Variants in NBPF26 observed in about 807,000 individuals in gnomAD.
NBPF26 encodes the protein NBPF family member NBPF26.
In NBPF26, 79 loss-of-function variants were observed where a neutral mutation model predicts 119.6. The ratio of observed to expected loss-of-function variants is 0.66; its 90% CI spans 0.55 to 0.80. The LOEUF (loss-of-function observed/expected upper bound fraction) is 0.80. Ranked by LOEUF, NBPF26 falls within the 30% of genes least tolerant of loss-of-function variation. The pLI is 0.00. For synonymous variants in NBPF26, 299 were observed against 457.7 expected (o/e 0.65, Z 4.43); for missense variants, 800 against 1,198.2 (o/e 0.67, Z 4.91).
At chr1:120,763,682 C>T in exon 2 of NBPF26, 3 of 1,409,724 alleles carry the variant, frequency 2.1e-6, no homozygotes, top group South Asian at 1.2e-5. Context: ...ATGTGTGTTA[C>T]CTACCACAGT....
intron 14 of NBPF26, among the ~76,000 whole-genome samples, chr1:120,817,921 G>C (rs1387181090): frequency 1.7e-5 from 2 of 115,708 alleles, no homozygotes; most frequent in East Asian, 4.3e-4. Context: ...CACATAGAGG[G>C]AGATTTTGGC....
chr1:120,770,769 C>G (rs1478207485), intron 2 of NBPF26, among the ~76,000 whole-genome samples: 1 of 116,900 alleles, frequency 8.6e-6, no homozygotes, highest in Non-Finnish European at 1.6e-5. Context: ...TAAAATGGGA[C>G]AGAATTACCT....
Position 120,810,420 on chromosome 1 carries a change from A to G in NBPF26, c.1426A>G (p.Ser476Gly), listed in dbSNP as rs1553270825. The G allele has an allele frequency of 5.0e-5, 80 of 1,588,392 alleles. No homozygotes were observed. The South Asian group carries it at 8.7e-4, about 17-fold the overall frequency. ...GGAATGTGCCATCACTTGTTCAAATAGCCACGGCCCTTGTGACTCCAACCA... is the reference window on the plus strand; with the variant it reads ...GGAATGTGCCATCACTTGTTCAAATGGCCACGGCCCTTGTGACTCCAACCA... The change falls in exon 9 of 30, where the codon AGC becomes GGC. Residue 476 changes from serine (S) to glycine (G), a missense_variant. Ser to Gly is a moderately conservative substitution (Grantham distance 56). Coordinates refer to ENST00000620612, the Ensembl canonical transcript of NBPF26.
At position 120,790,265 on chromosome 1, in the gene NBPF26, C is replaced by T. The variant is rs1221438869; in HGVS notation, c.416-2896C>T. The stretch of plus-strand genomic sequence containing the variant: ...GCCTGACCTCATGATCCACCCGCCT[C>T]GGCCTCCCAAAGTGCTGGGATTACA... On this transcript the variant is annotated intron_variant, in intron 3 of 29. Transcript: ENST00000620612. Among the ~76,000 whole-genome samples, 11 of 109,120 alleles carry T rather than the reference C, an allele frequency of 1.0e-4. 1 individual carries two copies. In the East Asian group the frequency reaches 1.3e-3, roughly 13 times the overall value. 71.6% of individuals were successfully genotyped at this position (109,120 alleles called of 152,430 possible). A position where few individuals can be genotyped will look rare whatever the true frequency, so the allele number is the denominator to read the frequency against.
intron 6 of NBPF26, among the ~76,000 whole-genome samples, chr1:120,808,079 A>T: frequency 8.4e-6 from 1 of 119,432 alleles, no homozygotes; most frequent in South Asian, 2.6e-4. Flanking sequence ...GCGGCTTCTC[A>T]TTCTTTCACT....
Position 120,768,254 on chromosome 1 carries a change from G to A in NBPF26, c.155+4545G>A, listed in dbSNP as rs1270373424. Among the ~76,000 whole-genome samples, 10 of 112,526 alleles carry A rather than the reference G, an allele frequency of 8.9e-5. 2 individuals are homozygous for A. Among genetic ancestry groups the A allele is most frequent in the African/African-American group, 1.6e-4 (3 of 18,460 alleles). The allele number at this position is 112,526 out of a possible 152,430, so 73.8% of individuals were successfully genotyped here. ...AGGGGTTCAGTGGAAAGTGTGAGGG[G>A]CCTACCAAGCCCTGAGGTGTTCATT... On this transcript the variant is annotated intron_variant, in intron 2 of 29. Coordinates refer to ENST00000620612, the Ensembl canonical transcript of NBPF26.
At chr1:120,840,730 C>G, downstream of NBPF26, 1 of 1,189,212 alleles carries the variant, frequency 8.4e-7, no homozygotes, top group Non-Finnish European at 1.1e-6. Flanking sequence ...TTCCTATTCT[C>G]AAACCATGCC....
In NBPF26 at chr1:120,816,871, A is replaced by G. The variant is rs1192042785; in HGVS notation, c.2371+44A>G. On this transcript the variant is annotated intron_variant, in intron 14 of 29. Transcript: ENST00000620612. ...GTGTCTCATACCTCTTTCTTGGCTG[A>G]GGAAGATAAACTCTGAAGACAGGCT... is the stretch of plus-strand genomic sequence containing the variant. The G allele has an allele frequency of 6.3e-5, 92 of 1,451,586 alleles. 17 individuals are homozygous for G. In the East Asian group the frequency reaches 8.9e-4, roughly 14 times the overall value. 89.9% of individuals were successfully genotyped at this position (1,451,586 alleles called of 1,614,324 possible). A position where few individuals can be genotyped will look rare whatever the true frequency, so the allele number is the denominator to read the frequency against.
intron 1 of NBPF26, among the ~76,000 whole-genome samples, chr1:120,752,518 G>GT (rs1651027639): frequency 5.2e-4 from 11 of 21,264 alleles, no homozygotes; most frequent in African/African-American, 3.5e-3. Flanking sequence ...TGAAGTTCAG[G>GT]AATATATATA....
chr1:120,838,427 A>C (rs1265533123), intron 27 of NBPF26, among the ~76,000 whole-genome samples: 68 of 22,642 alleles, frequency 3.0e-3, no homozygotes, highest in African/African-American at 3.8e-3. Context: ...TCCTGAGGGC[A>C]CTAACTCAGA....
chr1:120,807,768 C>T, intron 6 of NBPF26, 59 bp downstream of exon 6: 1 of 713,094 alleles, frequency 1.4e-6, no homozygotes, highest in Non-Finnish European at 2.3e-6. Context: ...TGAAGTACAG[C>T]AGCTCGGTGG....
At chr1:120,802,781 G>T (rs1474485927) in intron 4 of NBPF26, among the ~76,000 whole-genome samples, 2 of 116,616 alleles carry the variant, frequency 1.7e-5, no homozygotes, top group African/African-American at 9.9e-5. Context: ...CAGGACAGTT[G>T]TGTTCACTAG....
In NBPF26 at chr1:120,819,322, C is replaced by G. The variant is rs1274418621; in HGVS notation, c.2423+1148C>G. 4.4e-5 allele frequency among the ~76,000 whole-genome samples: 5 copies of G among 113,852 alleles called. 2 individuals carry two copies. Among genetic ancestry groups the G allele is most frequent in the Non-Finnish European group, 8.4e-5 (5 of 59,524 alleles). 74.7% of individuals were successfully genotyped at this position (113,852 alleles called of 152,430 possible). A position where few individuals can be genotyped will look rare whatever the true frequency, so the allele number is the denominator to read the frequency against. Reference sequence around the variant, plus strand: ...CAACCCCTGCCTTTTTTTTGTTTTCCATTTGCTTGGTAGATCTTCCTCCAT... The same window carrying G: ...CAACCCCTGCCTTTTTTTTGTTTTCGATTTGCTTGGTAGATCTTCCTCCAT... On this transcript the variant is annotated intron_variant, in intron 15 of 29. Transcript: ENST00000620612.
rs1303815396 is a variant in NBPF26 at position 120,816,255 on chromosome 1, G to T, written c.2165+98G>T. ...GGCATCTATGATGGACCAAAAACCCGCATTCGCTTGGCCACAGTATGTGAA... is the reference window on the plus strand; with the variant it reads ...GGCATCTATGATGGACCAAAAACCCTCATTCGCTTGGCCACAGTATGTGAA... On this transcript the variant is annotated intron_variant, in intron 13 of 29. Coordinates refer to ENST00000620612, the Ensembl canonical transcript of NBPF26. The T allele has an allele frequency of 7.9e-6, 5 of 634,560 alleles. 1 individual carries two copies. Among genetic ancestry groups the T allele is most frequent in the East Asian group, 5.9e-5 (2 of 33,964 alleles). The allele number at this position is 634,560 out of a possible 1,614,324, so 39.3% of individuals were successfully genotyped here.
intron 15 of NBPF26, 100 bp from the exon 16 acceptor site, chr1:120,822,004 A>G (rs1488172544): frequency 1.6e-6 from 2 of 1,227,034 alleles, no homozygotes; most frequent in Admixed American, 4.3e-5. Context: ...GGTTTCTGTG[A>G]CCACTCCATT....
chr1:120,765,158 G>C (rs1237977011), intron 2 of NBPF26, among the ~76,000 whole-genome samples: 1 of 121,092 alleles, frequency 8.3e-6, no homozygotes. Flanking sequence ...AGTTTTTCTA[G>C]CTGGGGGAAA....
At position 120,793,428 on chromosome 1, in the gene NBPF26, C is replaced by T. The variant is rs1651517010; in HGVS notation, c.683C>T (p.Ser228Leu). The T allele has an allele frequency of 2.6e-5, 37 of 1,442,564 alleles. 10 individuals are homozygous for T. Among genetic ancestry groups the T allele is most frequent in the Non-Finnish European group, 3.1e-5 (34 of 1,079,602 alleles). The allele number at this position is 1,442,564 out of a possible 1,614,324, so 89.4% of individuals were successfully genotyped here. ...AGACTGTATGTGCCCTGTGCACACT[C>T]GCCTTGTGTCAATGGAGGCACCTGT... is the stretch of plus-strand genomic sequence containing the variant. The change falls in exon 4 of 30, where the codon TCG (serine) becomes TTG (leucine). Residue 228 changes from serine to leucine, a missense_variant. Around this residue, in one of 13 missense-constraint regions of NBPF26, gnomAD observed 155 missense variants for 143.7 expected, o/e 1.08. Transcript: ENST00000620612.
Position 120,793,651 on chromosome 1 carries a change from G to T in NBPF26, c.751+155G>T, listed in dbSNP as rs1451479181. On this transcript the variant is annotated intron_variant, in intron 4 of 29. Transcript: ENST00000620612. ...TGCTAGTGAGGGAGGAGTTTTATGG[G>T]CCCACTGTGGTCCATAAACTGAGCA... 1.5e-5 allele frequency: 9 copies of T among 609,670 alleles called. 2 individuals are homozygous for T. The highest frequency in any genetic ancestry group is 7.9e-5 in the African/African-American group (2 of 25,370). The allele number at this position is 609,670 out of a possible 1,614,324, so 37.8% of individuals were successfully genotyped here. A position where few individuals can be genotyped will look rare whatever the true frequency, so the allele number is the denominator to read the frequency against.
At chr1:120,768,262 A>G (rs1247078640) in intron 2 of NBPF26, among the ~76,000 whole-genome samples, 1 of 111,942 alleles carries the variant, frequency 8.9e-6, no homozygotes, top group East Asian at 2.2e-4. Context: ...GGGCCTACCA[A>G]GCCCTGAGGT....
Sources: gnomAD v4.1 joint callset for allele counts (sites outside exome capture counted in the v4.1 genomes callset) on GRCh38, gnomAD v4.1.1 for gene constraint, gnomAD v4.1.1 regional missense constraint, MANE v1.5 for transcripts, NCBI Gene and HGNC (gene_info 2026-07-23, HGNC 2026-07-21) for gene names.